Variants in RGS17 observed in about 807,000 individuals in gnomAD.
RGS17 encodes the protein regulator of G protein signaling 17.
Under a neutral mutation model 25.5 loss-of-function variants are expected in RGS17, and 12 were observed. That is an observed-to-expected ratio of 0.47 (90% CI 0.30 to 0.76). The LOEUF (loss-of-function observed/expected upper bound fraction) is 0.76. RGS17 is among the 30% of genes least tolerant of loss of function. The pLI, the probability that RGS17 is intolerant of heterozygous loss-of-function variation, is 0.07. For missense variants in RGS17, 196 were observed against 242.2 expected, an observed-to-expected ratio of 0.81 and a Z score of 1.27; for synonymous variants, 71 against 76.9, an observed-to-expected ratio of 0.92 and a Z score of 0.40.
chr6:153,013,526 T>G (rs774272081), intron 4 of RGS17, among the ~76,000 whole-genome samples: 13 of 152,250 alleles, frequency 8.5e-5, no homozygotes, highest in Non-Finnish European at 1.3e-4. Flanking sequence ...AATAAAAAGC[T>G]AAGAAATGGT....
chr6:153,126,837 C>T (rs1777711390), intron 1 of RGS17, among the ~76,000 whole-genome samples: 1 of 152,144 alleles, frequency 6.6e-6, no homozygotes, highest in African/African-American at 2.4e-5. Flanking sequence ...TAAATAAAGA[C>T]ATTCATAAGG....
chr6:153,059,739 C>G (rs1226134974), intron 1 of RGS17, among the ~76,000 whole-genome samples: 4 of 152,188 alleles, frequency 2.6e-5, no homozygotes, highest in Non-Finnish European at 5.9e-5. Context: ...GGACCAACTT[C>G]TGTTTCCATA....
At chr6:153,032,149 G>C (rs1779370117) in intron 2 of RGS17, among the ~76,000 whole-genome samples, 1 of 152,054 alleles carries the variant, frequency 6.6e-6, no homozygotes, top group Admixed American at 6.5e-5. Context: ...AAGATGGGCT[G>C]GTAACCACAT....
chr6:153,041,374 A>G (rs778667517), intron 2 of RGS17, among the ~76,000 whole-genome samples: 2 of 152,086 alleles, frequency 1.3e-5, no homozygotes, highest in African/African-American at 4.8e-5. Flanking sequence ...AATGTACCCA[A>G]TGTTTGGGGA....
At chr6:153,096,627 G>T (rs535261528) in intron 1 of RGS17, among the ~76,000 whole-genome samples, 1 of 152,164 alleles carries the variant, frequency 6.6e-6, no homozygotes, top group Non-Finnish European at 1.5e-5. Flanking sequence ...CTATATGATC[G>T]TTGCCACATA....
intron 1 of RGS17, among the ~76,000 whole-genome samples, chr6:153,065,414 T>C (rs988592551): frequency 2.0e-5 from 3 of 152,154 alleles, no homozygotes; most frequent in African/African-American, 7.2e-5. Context: ...AAGTCAATAA[T>C]CATCAGACTT....
At position 153,011,740 on chromosome 6, in the gene RGS17, C is replaced by G; in HGVS notation, c.467G>C (p.Arg156Thr). 1.2e-6 allele frequency: 2 copies of G among 1,608,298 alleles called. No homozygotes were observed. The highest frequency in any genetic ancestry group is 1.7e-6 in the Non-Finnish European group (2 of 1,178,390). ...CAACAGATTTCTATTGATCACCTCTCTAACTCGAGAATCAAGACTGACCTA... is the reference window on the plus strand; with the variant it reads ...CAACAGATTTCTATTGATCACCTCTGTAACTCGAGAATCAAGACTGACCTA... ...PKEVSLDSRV[R>T]EVINRNLLDP... Residue 156 changes from arginine (R) to threonine (T), a missense_variant, in exon 5 of 5, where the codon AGA becomes ACA. Arg to Thr is a moderately conservative substitution (Grantham distance 71). This residue lies in a region of RGS17 where 179 missense variants were observed against 197.6 expected (regional missense o/e 0.91). Transcript: ENST00000206262.
At chr6:153,054,091 T>A (rs1776515989) in intron 1 of RGS17, among the ~76,000 whole-genome samples, 1 of 28,030 alleles carries the variant, frequency 3.6e-5, no homozygotes, top group Non-Finnish European at 6.7e-5. Context: ...CACAATATTT[T>A]TTATATATAT....
chr6:153,097,160 T>C (rs539676663), intron 1 of RGS17, among the ~76,000 whole-genome samples: 1 of 152,310 alleles, frequency 6.6e-6, no homozygotes, highest in Non-Finnish European at 1.5e-5. Flanking sequence ...AAATATTTCT[T>C]ATGAGCAAAA....
In RGS17 at chr6:153,012,780, T is replaced by G. The variant is rs573993672; in HGVS notation, c.445-1018A>C. 5.3e-5 allele frequency among the ~76,000 whole-genome samples: 8 copies of G among 152,376 alleles called. No individual in the cohort carries two copies. In the South Asian group the frequency reaches 1.7e-3, roughly 32 times the overall value. On this transcript the variant is annotated intron_variant, in intron 4 of 4. Coordinates refer to ENST00000206262, the MANE Select transcript of RGS17 (RefSeq NM_012419.5). ...ACATAAAACCTTCCATATTTATATT[T>G]AAACATGTTGTCATAAGCATTCTGC...
intron 1 of RGS17, among the ~76,000 whole-genome samples, chr6:153,066,804 G>A (rs1776714199): frequency 6.6e-6 from 1 of 152,146 alleles, no homozygotes; most frequent in Non-Finnish European, 1.5e-5. Flanking sequence ...CACTTTGGGA[G>A]GCCAAGGAGG....
chr6:153,130,404 C>G lies in RGS17; in HGVS notation c.-26+720G>C, dbSNP rs747786349. On this transcript the variant is annotated intron_variant, in intron 1 of 4. Transcript: ENST00000206262. The surrounding 1 kb of genome is among the most constrained non-coding windows in gnomAD (Gnocchi z 6.4). ...TGTGGAATCCACCCCGCGCCGCACA[C>G]GCCAGGACTCCCTTTCCTTTGACTA... Among the ~76,000 whole-genome samples the G allele has an allele frequency of 6.6e-6, 1 of 151,930 alleles. No homozygotes were observed.
chr6:153,015,011 A>C (rs1224533920), intron 4 of RGS17, among the ~76,000 whole-genome samples: 5 of 152,208 alleles, frequency 3.3e-5, no homozygotes, highest in Non-Finnish European at 7.3e-5. Flanking sequence ...GATTTTGAGG[A>C]GTTCAAGACT....
intron 1 of RGS17, among the ~76,000 whole-genome samples, chr6:153,056,992 A>G (rs1429023381): frequency 6.6e-6 from 1 of 151,996 alleles, no homozygotes; most frequent in Non-Finnish European, 1.5e-5. Flanking sequence ...TATTTTCCCA[A>G]GGCAGAGATT....
In RGS17 at chr6:153,055,613, C is replaced by T. The variant is rs116149416; in HGVS notation, c.-25-11570G>A. On this transcript the variant is annotated intron_variant, in intron 1 of 4. Transcript: ENST00000206262. The stretch of plus-strand genomic sequence containing the variant: ...TGGAAAGTGTTTTACAGCTGGCATC[C>T]TACCTGTAAAAACACTTCATCTAGT... Among the ~76,000 whole-genome samples the T allele has an allele frequency of 6.5e-3, 988 of 152,182 alleles. 10 individuals carry two copies. The highest frequency in any genetic ancestry group is 0.022 in the African/African-American group (919 of 41,504).
chr6:153,018,698 CT>C (rs1370495719), intron 4 of RGS17, among the ~76,000 whole-genome samples: 3 of 152,226 alleles, frequency 2.0e-5, no homozygotes. Context: ...CAAGATTTGT[CT>C]GTCTTCCTAA....
intron 1 of RGS17, among the ~76,000 whole-genome samples, chr6:153,099,400 C>T (rs1267390856): frequency 6.6e-6 from 1 of 152,146 alleles, no homozygotes; most frequent in Non-Finnish European, 1.5e-5. Flanking sequence ...TATCTCTGTA[C>T]AGACAATTAA....
chr6:153,015,170 G>A, intron 4 of RGS17, among the ~76,000 whole-genome samples: 1 of 152,202 alleles, frequency 6.6e-6, no homozygotes, highest in Non-Finnish European at 1.5e-5. Flanking sequence ...AAAGAAAGTG[G>A]TTTCTTGAGA....
At chr6:153,082,286 G>T (rs1393831319) in intron 1 of RGS17, among the ~76,000 whole-genome samples, 1 of 152,106 alleles carries the variant, frequency 6.6e-6, no homozygotes, top group African/African-American at 2.4e-5. Flanking sequence ...TTGGCTATTA[G>T]TTCTTCAAAT....
Sources: gnomAD v4.1 joint callset for allele counts (sites outside exome capture counted in the v4.1 genomes callset) on GRCh38, gnomAD v4.1.1 for gene constraint, gnomAD v4.1.1 regional missense constraint, Gnocchi (gnomAD v3.1) non-coding constraint, MANE v1.5 for transcripts, NCBI Gene and HGNC (gene_info 2026-07-23, HGNC 2026-07-21) for gene names.